LURAP1L: variants seen among roughly 807,000 people sequenced by gnomAD.
LURAP1L encodes leucine rich adaptor protein 1 like.
LURAP1L carries 12 observed loss-of-function variants against 13.8 expected under a neutral mutation model. That is an observed-to-expected ratio of 0.87 (90% confidence interval 0.56 to 1.41). The LOEUF (loss-of-function observed/expected upper bound fraction) is 1.41. Among genes scored for constraint, LURAP1L ranks in the 40% most tolerant of loss-of-function variants. The pLI, the probability that LURAP1L is intolerant of heterozygous loss-of-function variation, is 0.00. For missense variants in LURAP1L, 375 were observed against 292.9 expected (o/e 1.28, Z -2.04); for synonymous variants, 139 against 119.2 (o/e 1.17, Z -1.08).
At chr9:12,795,404 T>C (rs746163531) in intron 1 of LURAP1L, among the ~76,000 whole-genome samples, 7 of 152,002 alleles carry the variant, frequency 4.6e-5, no homozygotes, top group African/African-American at 1.4e-4. Flanking sequence ...GTATTAATAA[T>C]AAATTAATTA....
chr9:12,790,108 AT>A (rs1167699063), intron 1 of LURAP1L, among the ~76,000 whole-genome samples: 2 of 152,180 alleles, frequency 1.3e-5, no homozygotes, highest in Admixed American at 1.3e-4. Context: ...AAGTCATGTT[AT>A]TTTAAAAAAA....
chr9:12,776,732 C>T (rs975285646), intron 1 of LURAP1L, among the ~76,000 whole-genome samples: 16 of 152,078 alleles, frequency 1.1e-4, no homozygotes, highest in African/African-American at 3.1e-4. Context: ...CATCTCCCAC[C>T]CTTCTCCCTC....
chr9:12,802,570 C>A (rs962950264), intron 1 of LURAP1L, among the ~76,000 whole-genome samples: 1 of 152,154 alleles, frequency 6.6e-6, no homozygotes, highest in South Asian at 2.1e-4. Flanking sequence ...GTGCAGCCTT[C>A]GGAACCATGA....
intron 1 of LURAP1L, among the ~76,000 whole-genome samples, chr9:12,800,869 C>G (rs749011615): frequency 4.6e-5 from 7 of 152,078 alleles, no homozygotes; most frequent in Admixed American, 1.3e-4. Flanking sequence ...AATGTGAGAA[C>G]AGACTAATAC....
chr9:12,789,669 T>G (rs1162113611), intron 1 of LURAP1L, among the ~76,000 whole-genome samples: 3 of 152,008 alleles, frequency 2.0e-5, no homozygotes, highest in Non-Finnish European at 4.4e-5. Context: ...GGCAAGGGAG[T>G]TGACAACTAC....
chr9:12,821,674 C>A lies in LURAP1L; in HGVS notation c.601C>A (p.Gln201Lys), dbSNP rs369741446. 6.2e-7 allele frequency: 1 copy of A among 1,614,162 alleles called. No individual in the cohort carries two copies. Among genetic ancestry groups the A allele is most frequent in the Non-Finnish European group, 8.5e-7 (1 of 1,180,040 alleles). ...PGHQTPSDLD[Q>K]FSDSSLIEDS... ...CCATCAGACCCCTTCAGACTTGGAC[C>A]AATTCAGTGACAGCTCCCTCATAGA... The change falls in exon 2 of 2, where the codon CAA becomes AAA. Residue 201 changes from glutamine (Q) to lysine (K), a missense_variant. Gln to Lys is a moderately conservative substitution (Grantham distance 53). Transcript: ENST00000319264.
chr9:12,788,148 G>GAAGAAAGAAAGAAAGAAAGAAAGA (rs35187096), intron 1 of LURAP1L, among the ~76,000 whole-genome samples: 3,661 of 117,296 alleles, frequency 0.031, 94 homozygotes, highest in African/African-American at 0.035. Flanking sequence ...GAAAGAGAAA[G>GAAGAAAGAAAGAAAGAAAGAAAGA]AAGAAAGAAA....
At chr9:12,778,178 G>A (rs1358950280) in intron 1 of LURAP1L, among the ~76,000 whole-genome samples, 1 of 152,110 alleles carries the variant, frequency 6.6e-6, no homozygotes, top group African/African-American at 2.4e-5. Context: ...AGATAAACCA[G>A]GGTTTCAGAC....
chr9:12,802,913 C>A (rs552396920), intron 1 of LURAP1L, among the ~76,000 whole-genome samples: 12 of 152,290 alleles, frequency 7.9e-5, no homozygotes, highest in African/African-American at 2.6e-4. Context: ...TTGCTTATTT[C>A]TCTCATTCCA....
At chr9:12,808,200 C>T (rs1025281248) in intron 1 of LURAP1L, among the ~76,000 whole-genome samples, 61 of 151,310 alleles carry the variant, frequency 4.0e-4, no homozygotes, top group African/African-American at 1.2e-3. Context: ...GAGTTTCTGC[C>T]GATATATTTT....
intron 1 of LURAP1L, among the ~76,000 whole-genome samples, chr9:12,790,078 A>G (rs1191612122): frequency 6.6e-6 from 1 of 152,196 alleles, no homozygotes; most frequent in Non-Finnish European, 1.5e-5. Context: ...TTATGCATTG[A>G]CAAAAATCTT....
At chr9:12,814,225 C>T (rs1819775198) in intron 1 of LURAP1L, 1 of 152,074 alleles carries the variant, frequency 6.6e-6, no homozygotes, top group African/African-American at 2.4e-5. Context: ...ATTAACATGC[C>T]CTGGTCTACC....
Position 12,821,455 on chromosome 9 carries a change from A to G in LURAP1L, c.382A>G (p.Ile128Val), listed in dbSNP as rs1292766230. 1.9e-6 allele frequency: 3 copies of G among 1,614,186 alleles called. No individual in the cohort carries two copies. The highest frequency in any genetic ancestry group is 2.2e-5 in the East Asian group (1 of 44,862). ...LLVINESIES[I>V]KWMIEEKATI... Reference sequence around the variant, plus strand: ...TGTAATCAATGAGAGCATCGAGTCCATCAAGTGGATGATCGAAGAAAAAGC... The same window carrying G: ...TGTAATCAATGAGAGCATCGAGTCCGTCAAGTGGATGATCGAAGAAAAAGC... Residue 128 changes from isoleucine (I) to valine (V), a missense_variant, in exon 2 of 2, where the codon ATC (isoleucine) becomes GTC (valine). Coordinates refer to ENST00000319264, the MANE Select transcript of LURAP1L (RefSeq NM_203403.2).
intron 1 of LURAP1L, among the ~76,000 whole-genome samples, chr9:12,783,231 C>G (rs560331367): frequency 6.6e-6 from 1 of 152,164 alleles, no homozygotes; most frequent in Admixed American, 6.5e-5. Flanking sequence ...CTATCTAGGA[C>G]TTCCAGTACT....
At position 12,798,780 on chromosome 9, in the gene LURAP1L, A is replaced by G. The variant is rs185395896; in HGVS notation, c.313-22606A>G. Reference sequence around the variant, plus strand: ...CAGAAATATTTTTTTGAATTAGTGCATGACTTTTAGGTAACTGTAGCACCT... The same window carrying G: ...CAGAAATATTTTTTTGAATTAGTGCGTGACTTTTAGGTAACTGTAGCACCT... On this transcript the variant is annotated intron_variant, in intron 1 of 1. Transcript: ENST00000319264. Among the ~76,000 whole-genome samples, 3 of 152,342 alleles carry G rather than the reference A, an allele frequency of 2.0e-5. No homozygotes were observed. In the East Asian group the frequency reaches 5.8e-4, roughly 29 times the overall value.
At chr9:12,788,097 G>C (rs1280039464) in intron 1 of LURAP1L, among the ~76,000 whole-genome samples, 2 of 142,934 alleles carry the variant, frequency 1.4e-5, no homozygotes, top group East Asian at 2.0e-4. Flanking sequence ...TGGTGACAGA[G>C]CGAAACAAAA....
At chr9:12,821,362 T>A (rs201318647) in intron 1 of LURAP1L, 24 bp from the exon 2 acceptor site, 1 of 1,594,814 alleles carries the variant, frequency 6.3e-7, no homozygotes, top group Non-Finnish European at 8.6e-7. Flanking sequence ...GGCTGGAATA[T>A]CTTTCTTCTC....
At position 12,775,932 on chromosome 9, in the gene LURAP1L, T is replaced by C. The variant is rs1193381900; in HGVS notation, c.217T>C (p.Ser73Pro). The change falls in exon 1 of 2, where the codon TCT (serine) becomes CCT (proline). Residue 73 changes from serine to proline, a missense_variant. Ser to Pro is a moderately conservative substitution (Grantham distance 74, BLOSUM62 -1). Coordinates refer to ENST00000319264, the MANE Select transcript of LURAP1L (RefSeq NM_203403.2). ...CSFPPSLSSS[S>P]SSSPTSGSPR... ...CTTCCCTCCCTCCTTGTCGTCCTCCTCTTCGTCCTCCCCAACCTCTGGCTC... is the reference window on the plus strand; with the variant it reads ...CTTCCCTCCCTCCTTGTCGTCCTCCCCTTCGTCCTCCCCAACCTCTGGCTC... The C allele has an allele frequency of 6.3e-7, 1 of 1,577,638 alleles. No homozygotes were observed. The highest frequency in any genetic ancestry group is 1.9e-5 in the Admixed American group (1 of 53,916).
chr9:12,799,039 G>A (rs139200891), intron 1 of LURAP1L, among the ~76,000 whole-genome samples: 1,697 of 152,204 alleles, frequency 0.011, 32 homozygotes, highest in Non-Finnish European at 0.012. Flanking sequence ...CATAGAATAT[G>A]AAAGGCCAAT....
Sources: gnomAD v4.1 joint callset for allele counts (sites outside exome capture counted in the v4.1 genomes callset) on GRCh38, gnomAD v4.1.1 for gene constraint, MANE v1.5 for transcripts, NCBI Gene and HGNC (gene_info 2026-07-23, HGNC 2026-07-21) for gene names.